Variants in CCDC181 observed in about 807,000 individuals in gnomAD.
CCDC181 encodes the protein coiled-coil domain-containing protein 181.
In CCDC181, 35 loss-of-function variants were observed where a neutral mutation model predicts 58.7. The observed-to-expected ratio is 0.60, with a 90% CI of 0.46 to 0.79. CCDC181 has a LOEUF of 0.79. CCDC181 is among the 30% of genes least tolerant of loss of function. The pLI is 0.00. For synonymous variants in CCDC181, 183 were observed against 197.5 expected (o/e 0.93, Z 0.62); for missense variants, 517 against 583.9 (o/e 0.89, Z 1.18).
intron 2 of CCDC181, among the ~76,000 whole-genome samples, chr1:169,451,517 C>G (rs1657538513): frequency 6.6e-6 from 1 of 151,896 alleles, no homozygotes; most frequent in Non-Finnish European, 1.5e-5. Flanking sequence ...TGGCAGTAAA[C>G]CAAATATGTT....
chr1:169,413,321 C>T (rs1398386533), intron 4 of CCDC181, among the ~76,000 whole-genome samples: 1 of 152,160 alleles, frequency 6.6e-6, no homozygotes, highest in Non-Finnish European at 1.5e-5. Context: ...CAATGAGATA[C>T]CATCTCCCAC....
intron 2 of CCDC181, among the ~76,000 whole-genome samples, chr1:169,424,104 A>G (rs1465736151): frequency 6.6e-6 from 1 of 152,054 alleles, no homozygotes; most frequent in East Asian, 1.9e-4. Context: ...GTATATACAT[A>G]TATATACACA....
chr1:169,443,901 T>C (rs894794362), intron 2 of CCDC181, among the ~76,000 whole-genome samples: 2 of 152,134 alleles, frequency 1.3e-5, no homozygotes, highest in African/African-American at 4.8e-5. Flanking sequence ...TCATATTCAC[T>C]TATATTCTGT....
chr1:169,404,914 C>T (rs7368145), intron 4 of CCDC181, among the ~76,000 whole-genome samples: 40,979 of 152,072 alleles, frequency 0.27, 6,798 homozygotes, highest in Non-Finnish European at 0.38. Flanking sequence ...GAAACCCCAT[C>T]GTCTCAGCCC....
chr1:169,426,023 G>C (rs1353355522), intron 1 of CCDC181, among the ~76,000 whole-genome samples: 1 of 151,796 alleles, frequency 6.6e-6, no homozygotes, highest in Non-Finnish European at 1.5e-5. Context: ...ACAGGTTAGG[G>C]GTCTTTAAGT....
At chr1:169,446,511 C>T (rs1008239620) in intron 2 of CCDC181, among the ~76,000 whole-genome samples, 7 of 152,156 alleles carry the variant, frequency 4.6e-5, no homozygotes, top group African/African-American at 1.7e-4. Context: ...TCTTAGATTA[C>T]TGGCTTTGAA....
At chr1:169,436,807 G>A (rs1355630709) in intron 2 of CCDC181, among the ~76,000 whole-genome samples, 1 of 152,120 alleles carries the variant, frequency 6.6e-6, no homozygotes, top group Non-Finnish European at 1.5e-5. Flanking sequence ...TGGGCCCACT[G>A]GGAGGTGAAT....
chr1:169,396,091 T>C (rs1655017233), intron 5 of CCDC181: 1 of 152,188 alleles, frequency 6.6e-6, no homozygotes, highest in Non-Finnish European at 1.5e-5. Context: ...AAATACAGTA[T>C]GATCTCAGTA....
At chr1:169,398,228 C>G (rs1445455357) in intron 4 of CCDC181, among the ~76,000 whole-genome samples, 1 of 152,098 alleles carries the variant, frequency 6.6e-6, no homozygotes, top group Non-Finnish European at 1.5e-5. Flanking sequence ...TTCTGGTGTT[C>G]TATTACACAG....
At chr1:169,434,955 A>C (rs961761117) in intron 2 of CCDC181, among the ~76,000 whole-genome samples, 14 of 152,174 alleles carry the variant, frequency 9.2e-5, no homozygotes, top group African/African-American at 3.4e-4. Flanking sequence ...GGGAAATGAG[A>C]GGTTATTGTT....
At position 169,421,996 on chromosome 1, in the gene CCDC181, A is replaced by C; in HGVS notation, c.435T>G (p.Asn145Lys). 1 of 1,614,050 alleles carries C rather than the reference A, an allele frequency of 6.2e-7. No homozygotes were observed. The highest frequency in any genetic ancestry group is 8.5e-7 in the Non-Finnish European group (1 of 1,179,996). The stretch of plus-strand genomic sequence containing the variant: ...ACTTAAGTTTTCGCTCCCTTTTATC[A>C]TTCACCGGTTCTTGATTCTGTAGAA... ...NKLLQNQEPV[N>K]DKRERKLKFK... Residue 145 changes from asparagine (N) to lysine (K), a missense_variant, in exon 3 of 6, where the codon AAT becomes AAG. By Grantham distance (94) the Asn-to-Lys change is moderately conservative (BLOSUM62 0). Transcript: ENST00000367806.
chr1:169,406,614 A>T (rs1434368192), intron 4 of CCDC181, among the ~76,000 whole-genome samples: 1 of 152,138 alleles, frequency 6.6e-6, no homozygotes, highest in African/African-American at 2.4e-5. Context: ...ACTTAGACAC[A>T]GGGTGGGGAA....
chr1:169,424,486 C>T (rs959619158), intron 2 of CCDC181, among the ~76,000 whole-genome samples: 1 of 151,760 alleles, frequency 6.6e-6, no homozygotes, highest in South Asian at 2.1e-4. Flanking sequence ...TAGGAATTAA[C>T]TGTATTTTTT....
intron 2 of CCDC181, among the ~76,000 whole-genome samples, chr1:169,451,915 A>G (rs1010682491): frequency 5.5e-4 from 84 of 152,068 alleles, no homozygotes; most frequent in African/African-American, 1.7e-3. Flanking sequence ...CCAGAACTCG[A>G]TAAGTTGTTT....
chr1:169,450,093 G>C (rs544628897), intron 2 of CCDC181, among the ~76,000 whole-genome samples: 1 of 152,096 alleles, frequency 6.6e-6, no homozygotes, highest in Non-Finnish European at 1.5e-5. Context: ...CAATTTTTTA[G>C]TTGGCCTGTG....
chr1:169,440,023 A>C (rs555270384), intron 2 of CCDC181, among the ~76,000 whole-genome samples: 1 of 152,196 alleles, frequency 6.6e-6, no homozygotes, highest in South Asian at 2.1e-4. Context: ...CATGGTGAGC[A>C]AGAGTGGTCT....
Position 169,415,042 on chromosome 1 carries a change from T to C in CCDC181, c.1215+3971A>G, listed in dbSNP as rs191902466. Among the ~76,000 whole-genome samples, 290 of 152,332 alleles carry C rather than the reference T, an allele frequency of 1.9e-3. 2 individuals carry two copies. The highest frequency in any genetic ancestry group is 6.8e-3 in the African/African-American group (284 of 41,578). ...CATGATGTCTTCTACATAAAATTTTTTGAAATAAATTATGTTCAATATGAC... is the reference window on the plus strand; with the variant it reads ...CATGATGTCTTCTACATAAAATTTTCTGAAATAAATTATGTTCAATATGAC... On this transcript the variant is annotated intron_variant, in intron 4 of 5. Coordinates refer to ENST00000367806, the MANE Select transcript of CCDC181 (RefSeq NM_001300969.2).
At chr1:169,445,274 G>A (rs1025946537) in intron 2 of CCDC181, among the ~76,000 whole-genome samples, 16 of 152,128 alleles carry the variant, frequency 1.1e-4, no homozygotes, top group African/African-American at 3.1e-4. Flanking sequence ...TAGGTGTAGC[G>A]TTTTTGTAGA....
chr1:169,423,847 T>C (rs1007583269), intron 2 of CCDC181, among the ~76,000 whole-genome samples: 21 of 152,054 alleles, frequency 1.4e-4, no homozygotes, highest in African/African-American at 5.1e-4. Context: ...AAAAGCCATC[T>C]TAGAAAAATC....
Sources: allele counts gnomAD v4.1 joint callset (sites outside exome capture counted in the v4.1 genomes callset), GRCh38; gene constraint gnomAD v4.1.1; transcripts MANE v1.5; gene names NCBI Gene and HGNC (gene_info 2026-07-23, HGNC 2026-07-21).